Variants in BRINP1 observed in about 807,000 individuals in gnomAD.
BRINP1 encodes BMP/retinoic acid-inducible neural-specific protein 1.
Under a neutral mutation model 72.9 loss-of-function variants are expected in BRINP1, and 17 were observed. The ratio of observed to expected loss-of-function variants is 0.23; its 90% CI spans 0.16 to 0.35. BRINP1 has a LOEUF of 0.35. BRINP1 is among the 10% of genes least tolerant of loss of function. The pLI, the probability that BRINP1 is intolerant of heterozygous loss-of-function variation, is 1.00. For missense variants in BRINP1, 850 were observed against 1,001.6 expected (o/e 0.85, Z 2.04); for synonymous variants, 418 against 378.5 (o/e 1.10, Z -1.21).
intron 3 of BRINP1, among the ~76,000 whole-genome samples, chr9:119,248,716 G>A (rs1158445752): frequency 6.6e-6 from 1 of 152,184 alleles, no homozygotes; most frequent in East Asian, 1.9e-4. Flanking sequence ...CAATTCCAAG[G>A]TTAAGCCGTA....
chr9:119,216,645 C>A (rs1235187707), intron 5 of BRINP1, among the ~76,000 whole-genome samples: 1 of 152,064 alleles, frequency 6.6e-6, no homozygotes, highest in Non-Finnish European at 1.5e-5. Context: ...GTGTATGGAT[C>A]GGGGTTAAGT....
chr9:119,227,443 A>G (rs761656792), intron 5 of BRINP1, among the ~76,000 whole-genome samples: 22 of 152,184 alleles, frequency 1.4e-4, no homozygotes, highest in Admixed American at 3.3e-4. Flanking sequence ...AGGTGCTCCT[A>G]TGTTCATAAA....
chr9:119,256,153 T>C (rs997609320), intron 2 of BRINP1, among the ~76,000 whole-genome samples: 2 of 152,146 alleles, frequency 1.3e-5, no homozygotes, highest in African/African-American at 4.8e-5. Context: ...TACCACCTAT[T>C]GGTTTATACT....
intron 1 of BRINP1, among the ~76,000 whole-genome samples, chr9:119,337,950 C>G (rs1441762517): frequency 2.6e-5 from 4 of 152,232 alleles, no homozygotes; most frequent in Non-Finnish European, 5.9e-5. Flanking sequence ...TGCCTGGGTT[C>G]TAATCCTGGC....
At chr9:119,275,492 C>T (rs918223646) in intron 2 of BRINP1, among the ~76,000 whole-genome samples, 1 of 152,118 alleles carries the variant, frequency 6.6e-6, no homozygotes, top group African/African-American at 2.4e-5. Context: ...GGTACTCTGT[C>T]CCAACTGATG....
intron 2 of BRINP1, among the ~76,000 whole-genome samples, chr9:119,282,438 T>C (rs1042822582): frequency 1.8e-4 from 28 of 152,196 alleles, no homozygotes; most frequent in Non-Finnish European, 3.8e-4. Context: ...AGTTGGCATC[T>C]GATCATTAAA....
chr9:119,341,101 A>T (rs1450437573), intron 1 of BRINP1, among the ~76,000 whole-genome samples: 1 of 152,094 alleles, frequency 6.6e-6, no homozygotes, highest in African/African-American at 2.4e-5. Context: ...TCATCTCTCA[A>T]CAAGTCTACT....
intron 2 of BRINP1, among the ~76,000 whole-genome samples, chr9:119,250,480 AT>A (rs1313215074): frequency 6.6e-6 from 1 of 152,194 alleles, no homozygotes; most frequent in East Asian, 1.9e-4. Flanking sequence ...ACATTTCTTC[AT>A]CTATAAAATT....
chr9:119,333,556 G>A (rs978335717), intron 1 of BRINP1, among the ~76,000 whole-genome samples: 1 of 151,580 alleles, frequency 6.6e-6, no homozygotes. Flanking sequence ...TAAAAATTCT[G>A]GAGGTGAGGT....
At chr9:119,280,404 A>ATTTT (rs547288880) in intron 2 of BRINP1, among the ~76,000 whole-genome samples, 1 of 142,056 alleles carries the variant, frequency 7.0e-6, no homozygotes, top group Non-Finnish European at 1.5e-5. Flanking sequence ...ACACCCAGCT[A>ATTTT]TTTTTTTTTT....
At chr9:119,215,614 T>G (rs1168978402) in intron 5 of BRINP1, among the ~76,000 whole-genome samples, 2 of 152,248 alleles carry the variant, frequency 1.3e-5, no homozygotes, top group Non-Finnish European at 1.5e-5. Context: ...CCATTTTCTA[T>G]TCACAGTTGT....
At chr9:119,300,922 G>A (rs886733101) in intron 2 of BRINP1, among the ~76,000 whole-genome samples, 21 of 152,014 alleles carry the variant, frequency 1.4e-4, no homozygotes, top group Non-Finnish European at 2.4e-4. Context: ...TGATTTTCCC[G>A]CTGTACCACC....
At chr9:119,330,364 C>T (rs1831287667) in intron 1 of BRINP1, among the ~76,000 whole-genome samples, 1 of 152,204 alleles carries the variant, frequency 6.6e-6, no homozygotes, top group Non-Finnish European at 1.5e-5. Flanking sequence ...GCATACCAAA[C>T]TTCTTACAGT....
At chr9:119,218,163 C>T (rs1340084129) in intron 5 of BRINP1, among the ~76,000 whole-genome samples, 1 of 151,732 alleles carries the variant, frequency 6.6e-6, no homozygotes, top group Non-Finnish European at 1.5e-5. Flanking sequence ...AAGGTCAAGC[C>T]CAGTGTAGGC....
chr9:119,291,667 A>G (rs2118973570), intron 2 of BRINP1, among the ~76,000 whole-genome samples: 1 of 152,332 alleles, frequency 6.6e-6, no homozygotes, highest in Non-Finnish European at 1.5e-5. Context: ...TTGAGAAATA[A>G]GCTCCCAAGT....
At chr9:119,265,003 G>A (rs990032890) in intron 2 of BRINP1, among the ~76,000 whole-genome samples, 3 of 152,138 alleles carry the variant, frequency 2.0e-5, no homozygotes, top group African/African-American at 7.2e-5. Flanking sequence ...ATAGGACACT[G>A]TCTGTCCTGT....
In BRINP1 at chr9:119,308,637, A is replaced by G. The variant is rs560449030; in HGVS notation, c.218+4501T>C. On this transcript the variant is annotated intron_variant, in intron 2 of 7. Coordinates refer to ENST00000265922, the MANE Select transcript of BRINP1 (RefSeq NM_014618.3). Reference sequence around the variant, plus strand: ...AACACACGAAGAAATTATCAGGACAACAGAGGAGGGCTGAGATCTATACAA... The same window carrying G: ...AACACACGAAGAAATTATCAGGACAGCAGAGGAGGGCTGAGATCTATACAA... 2.2e-4 allele frequency among the ~76,000 whole-genome samples: 33 copies of G among 152,306 alleles called. No individual in the cohort carries two copies. In the South Asian group the frequency reaches 5.0e-3, roughly 23 times the overall value.
intron 1 of BRINP1, among the ~76,000 whole-genome samples, chr9:119,360,497 C>T (rs901700258): frequency 3.3e-5 from 5 of 149,590 alleles, no homozygotes; most frequent in Non-Finnish European, 7.4e-5. Flanking sequence ...TCTCTGTTTG[C>T]TCTTCTAGGT....
At chr9:119,211,164 CTTTATTTA>C (rs71506209) in intron 6 of BRINP1, among the ~76,000 whole-genome samples, 2,265 of 147,204 alleles carry the variant, frequency 0.015, 25 homozygotes, top group African/African-American at 0.022. Flanking sequence ...AATACATTAA[CTTTATTTA>C]TTTATTTATT....
Sources: gnomAD v4.1 joint callset for allele counts (sites outside exome capture counted in the v4.1 genomes callset) on GRCh38, gnomAD v4.1.1 for gene constraint, MANE v1.5 for transcripts, NCBI Gene and HGNC (gene_info 2026-07-23, HGNC 2026-07-21) for gene names.